GPHN: variants seen among roughly 807,000 people sequenced by gnomAD.
GPHN encodes the protein gephyrin.
Under a neutral mutation model 95.5 loss-of-function variants are expected in GPHN, and 17 were observed. That is an observed-to-expected ratio of 0.18 (90% CI 0.12 to 0.27). The LOEUF (loss-of-function observed/expected upper bound fraction) is 0.27. Among genes scored for constraint, GPHN ranks in the 10% least tolerant of loss-of-function variants. The probability of loss-of-function intolerance (pLI) is 1.00; values close to 1 mark genes in which losing one functional copy is unlikely to be tolerated. For synonymous variants in GPHN, 320 were observed against 322.5 expected, an observed-to-expected ratio of 0.99 and a Z score of 0.08; for missense variants, 660 against 978.1, an observed-to-expected ratio of 0.67 and a Z score of 4.34.
At chr14:67,199,657 C>A in the GPHN span, 2 of 1,577,534 alleles carry the variant, frequency 1.3e-6, no homozygotes, top group East Asian at 4.5e-5. Flanking sequence ...CAGCTCAGAA[C>A]CCGCTCTCCC....
chr14:66,720,094 C>T (rs1452903381), intron 2 of GPHN, among the ~76,000 whole-genome samples: 1 of 151,876 alleles, frequency 6.6e-6, no homozygotes, highest in Admixed American at 6.6e-5. Flanking sequence ...TTTATCTGCT[C>T]AATGGATCAT....
intron 11 of GPHN, among the ~76,000 whole-genome samples, chr14:67,065,224 T>A (rs2075995457): frequency 6.6e-6 from 1 of 152,240 alleles, no homozygotes; most frequent in Non-Finnish European, 1.5e-5. Flanking sequence ...TTGTTCAGTT[T>A]CCATGTGCTT....
intron 8 of GPHN, among the ~76,000 whole-genome samples, chr14:66,928,673 CTTAGTACTG>C (rs2066617555): frequency 6.6e-6 from 1 of 152,068 alleles, no homozygotes; most frequent in Non-Finnish European, 1.5e-5. Context: ...AAACTTTCCT[CTTAGTACTG>C]TTTTGCCTAT....
chr14:66,662,288 C>A (rs2065707351), intron 1 of GPHN, among the ~76,000 whole-genome samples: 1 of 152,122 alleles, frequency 6.6e-6, no homozygotes, highest in Non-Finnish European at 1.5e-5. Context: ...AGGTCTGTAC[C>A]CCTCTGGGAC....
At chr14:66,566,225 T>C (rs1056186041) in intron 1 of GPHN, among the ~76,000 whole-genome samples, 1 of 152,078 alleles carries the variant, frequency 6.6e-6, no homozygotes, top group Non-Finnish European at 1.5e-5. Context: ...ATCTTTGATG[T>C]TTGAGTATCT....
At chr14:67,569,938 C>G in the GPHN span, 2 of 1,608,964 alleles carry the variant, frequency 1.2e-6, no homozygotes, top group Non-Finnish European at 1.7e-6. Flanking sequence ...CCCTCCTGCC[C>G]TTGTTTCCCC....
In GPHN at chr14:66,826,383, A is replaced by C. The variant is rs1041692593; in HGVS notation, c.294+1817A>C. Reference sequence around the variant, plus strand: ...ACCAGCCAGTTCTTCAACTCTCCAGATATCAAATGTCCTTCTTTTTATTTC... The same window carrying C: ...ACCAGCCAGTTCTTCAACTCTCCAGCTATCAAATGTCCTTCTTTTTATTTC... On this transcript the variant is annotated intron_variant, in intron 4 of 22. Coordinates refer to ENST00000478722, the MANE Select transcript of GPHN (RefSeq NM_020806.5). 3.3e-5 allele frequency among the ~76,000 whole-genome samples: 5 copies of C among 152,148 alleles called. No individual in the cohort carries two copies. The East Asian group carries it at 9.7e-4, about 29-fold the overall frequency.
the GPHN span, among the ~76,000 whole-genome samples, chr14:67,614,452 G>A: frequency 4.6e-5 from 7 of 152,200 alleles, no homozygotes; most frequent in East Asian, 1.4e-3. Flanking sequence ...GCCAGTTGTC[G>A]AACACAACCT....
the GPHN span, among the ~76,000 whole-genome samples, chr14:67,671,915 G>A: frequency 1.3e-5 from 2 of 152,196 alleles, no homozygotes; most frequent in East Asian, 3.8e-4. Flanking sequence ...AGCCCTCATG[G>A]TCTAATCATT....
chr14:66,837,831 T>A (rs982376881), intron 4 of GPHN, among the ~76,000 whole-genome samples: 1 of 151,848 alleles, frequency 6.6e-6, no homozygotes, highest in African/African-American at 2.4e-5. Context: ...TAAATATATA[T>A]CCTAATTGTA....
At chr14:67,581,095 C>A in the GPHN span, 1 of 1,061,482 alleles carries the variant, frequency 9.4e-7, no homozygotes, top group South Asian at 1.3e-5. Flanking sequence ...TGGGTGCCAG[C>A]TCATCGCCTC....
intron 3 of GPHN, among the ~76,000 whole-genome samples, chr14:66,777,845 T>A (rs2059440824): frequency 6.6e-6 from 1 of 152,162 alleles, no homozygotes; most frequent in African/African-American, 2.4e-5. Context: ...GAGCTATCTA[T>A]GACAAACCAA....
At chr14:67,289,235 T>C in the GPHN span, among the ~76,000 whole-genome samples, 7 of 152,318 alleles carry the variant, frequency 4.6e-5, no homozygotes, top group African/African-American at 1.7e-4. Flanking sequence ...CCCAAAGTGC[T>C]GGGATTACAG....
chr14:67,296,340 C>T, the GPHN span, among the ~76,000 whole-genome samples: 1 of 151,984 alleles, frequency 6.6e-6, no homozygotes, highest in Non-Finnish European at 1.5e-5. Flanking sequence ...GTGGCTCACG[C>T]CTGTAATCCC....
At chr14:67,364,773 G>A in the GPHN span, 9 of 1,608,016 alleles carry the variant, frequency 5.6e-6, no homozygotes, top group East Asian at 9.0e-5. Context: ...GCAGAATGCC[G>A]GGTCTAAGTT....
chr14:66,599,719 A>G (rs2062145994), intron 1 of GPHN, among the ~76,000 whole-genome samples: 1 of 151,948 alleles, frequency 6.6e-6, no homozygotes. Context: ...ATTAAATAAT[A>G]GAAGAGATAG....
At chr14:66,636,677 A>G (rs1333997682) in intron 1 of GPHN, among the ~76,000 whole-genome samples, 1 of 152,146 alleles carries the variant, frequency 6.6e-6, no homozygotes, top group Admixed American at 6.5e-5. Flanking sequence ...TGACACACAC[A>G]CATACACAAT....
At chr14:67,460,880 G>T in the GPHN span, among the ~76,000 whole-genome samples, 1 of 152,136 alleles carries the variant, frequency 6.6e-6, no homozygotes, top group South Asian at 2.1e-4. Flanking sequence ...CCATGGGTTC[G>T]GGGTAAGGGA....
chr14:67,362,364 T>A, the GPHN span, among the ~76,000 whole-genome samples: 1 of 152,126 alleles, frequency 6.6e-6, no homozygotes, highest in Non-Finnish European at 1.5e-5. Flanking sequence ...TAGTACATAG[T>A]AGCTACTGAA....
Sources: allele counts gnomAD v4.1 joint callset (sites outside exome capture counted in the v4.1 genomes callset), GRCh38; gene constraint gnomAD v4.1.1; transcripts MANE v1.5; gene names NCBI Gene and HGNC (gene_info 2026-07-23, HGNC 2026-07-21).